Variants in CFAP100 observed in about 807,000 individuals in gnomAD.
CFAP100 encodes cilia and flagella associated protein 100.
Under a neutral mutation model 81.5 loss-of-function variants are expected in CFAP100, and 70 were observed. That is an observed-to-expected ratio of 0.86 (90% CI 0.71 to 1.05). The LOEUF is 1.05. Ranked by LOEUF, CFAP100 falls within the 50% of genes least tolerant of loss-of-function variation. The pLI is 0.00. For synonymous variants in CFAP100, 341 were observed against 314.8 expected (o/e 1.08, Z -0.88); for missense variants, 811 against 776.5 (o/e 1.04, Z -0.53).
chr3:126,414,224 C>CT, intron 4 of CFAP100, 45 bp downstream of exon 4: 1 of 1,384,206 alleles, frequency 7.2e-7, no homozygotes, highest in Non-Finnish European at 1.0e-6. Context: ...AGCTTCCCTG[C>CT]TCCCACTGCT....
intron 4 of CFAP100, among the ~76,000 whole-genome samples, chr3:126,415,641 C>T (rs1206142951): frequency 6.6e-6 from 1 of 152,156 alleles, no homozygotes; most frequent in Non-Finnish European, 1.5e-5. Flanking sequence ...ACGGAAGTGA[C>T]CCCAGAAAGT....
At chr3:126,430,418 TACAC>T (rs1243724529) in intron 13 of CFAP100, among the ~76,000 whole-genome samples, 1 of 152,186 alleles carries the variant, frequency 6.6e-6, no homozygotes, top group Non-Finnish European at 1.5e-5. Flanking sequence ...ACATCCCAAT[TACAC>T]TGATTTGATC....
chr3:126,418,564 T>C, intron 6 of CFAP100, 39 bp downstream of exon 6: 2 of 1,613,396 alleles, frequency 1.2e-6, no homozygotes. Context: ...ATGCCAGCAG[T>C]GGCTGGCCCG....
intron 3 of CFAP100, among the ~76,000 whole-genome samples, chr3:126,412,919 C>A (rs1482548045): frequency 6.6e-6 from 1 of 152,228 alleles, no homozygotes; most frequent in Admixed American, 6.5e-5. Flanking sequence ...CACAGAAAGT[C>A]CCCAGTCTGG....
chr3:126,434,619 G>T (rs113713964), intron 15 of CFAP100: 1 of 524,212 alleles, frequency 1.9e-6, no homozygotes, highest in East Asian at 3.3e-5. Context: ...AGGAGGCTCA[G>T]GGAGGGACAG....
chr3:126,401,336 GTTATAT>G (rs2082975139), intron 2 of CFAP100, among the ~76,000 whole-genome samples: 1 of 140,252 alleles, frequency 7.1e-6, no homozygotes, highest in Non-Finnish European at 1.5e-5. Context: ...CAAGTTTTAT[GTTATAT>G]TTATATTTTA....
intron 2 of CFAP100, among the ~76,000 whole-genome samples, chr3:126,399,596 CA>C (rs776171183): frequency 1.5e-4 from 23 of 152,220 alleles, no homozygotes; most frequent in Non-Finnish European, 2.6e-4. Context: ...CTCTGTTCAC[CA>C]GCAATGAATA....
intron 13 of CFAP100, among the ~76,000 whole-genome samples, chr3:126,428,307 G>T (rs1933040497): frequency 6.6e-6 from 1 of 152,206 alleles, no homozygotes; most frequent in Admixed American, 6.5e-5. Context: ...TCTGGAGAAG[G>T]CATAACTGTA....
At chr3:126,423,253 T>A in intron 11 of CFAP100, 72 bp from the exon 12 acceptor site, 1 of 1,316,796 alleles carries the variant, frequency 7.6e-7, no homozygotes, top group Non-Finnish European at 1.1e-6. Context: ...CTTCAAGACC[T>A]CTGTGCCCCC....
At position 126,431,666 on chromosome 3, in the gene CFAP100, A is replaced by G. The variant is rs149893648; in HGVS notation, c.1287-1403A>G. On this transcript the variant is annotated intron_variant, in intron 13 of 16. Coordinates refer to ENST00000352312, the MANE Select transcript of CFAP100 (RefSeq NM_182628.3). ...CCTATTCCACCATCTTGCTGATGCT[A>G]TTCCTCTGGTTGTATCGTTAAATTC... Among the ~76,000 whole-genome samples the G allele has an allele frequency of 2.6e-5, 4 of 152,294 alleles. No homozygotes were observed. In the East Asian group the frequency reaches 5.8e-4, roughly 22 times the overall value.
chr3:126,414,639 G>A (rs999736428), intron 4 of CFAP100, among the ~76,000 whole-genome samples: 5 of 152,158 alleles, frequency 3.3e-5, no homozygotes, highest in East Asian at 1.9e-4. Context: ...AGCCGCCCAC[G>A]GCACGCACAC....
At chr3:126,411,473 T>C (rs1479526274) in intron 3 of CFAP100, among the ~76,000 whole-genome samples, 2 of 150,354 alleles carry the variant, frequency 1.3e-5, no homozygotes, top group East Asian at 4.0e-4. Context: ...TTTGGAATAG[T>C]TTTAGTAGGA....
intron 7 of CFAP100, 115 bp downstream of exon 7, chr3:126,418,889 G>C (rs1456233248): frequency 9.8e-6 from 13 of 1,323,084 alleles, no homozygotes; most frequent in Non-Finnish European, 1.2e-5. Context: ...TCCTCTGGAA[G>C]CACCAGGGCC....
chr3:126,425,984 T>C (rs2107613954), intron 13 of CFAP100, among the ~76,000 whole-genome samples: 1 of 152,342 alleles, frequency 6.6e-6, no homozygotes, highest in South Asian at 2.1e-4. Context: ...CTAGAAGCTT[T>C]CTCATGAGAT....
At chr3:126,418,929 G>A (rs1055141588) in intron 7 of CFAP100, 147 bp from the exon 8 acceptor site, 15 of 1,056,868 alleles carry the variant, frequency 1.4e-5, no homozygotes, top group African/African-American at 6.5e-5. Flanking sequence ...GGGACACTAC[G>A]GGCAAAAGGC....
At chr3:126,435,530 A>C in intron 15 of CFAP100, 29 bp from the exon 16 acceptor site, 1 of 1,592,802 alleles carries the variant, frequency 6.3e-7, no homozygotes. Context: ...AGGTCCCCCC[A>C]GTTTTCAATG....
At chr3:126,425,473 A>C (rs73191810) in intron 13 of CFAP100, among the ~76,000 whole-genome samples, 9,239 of 152,340 alleles carry the variant, frequency 0.061, 340 homozygotes, top group Middle Eastern at 0.085. Flanking sequence ...TGAATTCTAC[A>C]AAGGAAGAAT....
At chr3:126,436,230 G>A (rs1576653094) in intron 16 of CFAP100, 61 bp from the exon 17 acceptor site, 3 of 1,329,588 alleles carry the variant, frequency 2.3e-6, no homozygotes, top group Admixed American at 1.8e-5. Context: ...ACCAGGGGCA[G>A]GGGTATATGG....
rs779974163 is a variant in CFAP100, at chr3:126,423,579, C to T, written c.1221C>T (p.Asn407=). ...LEEQNLSLIQ[N]SQETEKTLEE... is the part of the protein sequence containing the mutation. ...AGCAGAACCTGTCGCTGATCCAGAACAGCCAGGAGACGGAGAAGACCCTGG... is the reference window on the plus strand; with the variant it reads ...AGCAGAACCTGTCGCTGATCCAGAATAGCCAGGAGACGGAGAAGACCCTGG... Residue 407 remains asparagine (N), a synonymous_variant, in exon 13 of 17, where the codon AAC becomes AAT. Transcript: ENST00000352312. The T allele has an allele frequency of 6.2e-7, 1 of 1,612,672 alleles. No homozygotes were observed. The highest frequency in any genetic ancestry group is 1.1e-5 in the South Asian group (1 of 90,990).
Sources: gnomAD v4.1 joint callset for allele counts (sites outside exome capture counted in the v4.1 genomes callset) on GRCh38, gnomAD v4.1.1 for gene constraint, MANE v1.5 for transcripts, NCBI Gene and HGNC (gene_info 2026-07-23, HGNC 2026-07-21) for gene names.